The following WDR5 variants were observed in gnomAD, a reference collection of about 807,000 sequenced individuals.
WDR5 encodes the protein WD repeat-containing protein 5.
For synonymous variants in WDR5, 144 were observed against 161.6 expected (o/e 0.89, Z 0.83); for missense variants, 187 against 416.9 (o/e 0.45, Z 4.80).
In WDR5 at chr9:134,157,249, C is replaced by T. The variant is rs978290942; in HGVS notation, c.905-644C>T. 3.9e-4 allele frequency among the ~76,000 whole-genome samples: 59 copies of T among 152,364 alleles called. No individual in the cohort carries two copies. The highest frequency in any genetic ancestry group is 1.4e-3 in the African/African-American group (57 of 41,602). On this transcript the variant is annotated intron_variant, in intron 13 of 13. Coordinates refer to ENST00000358625, the MANE Select transcript of WDR5 (RefSeq NM_017588.3). The surrounding 1 kb of genome is among the most constrained non-coding windows in gnomAD (Gnocchi z 5.0). ...GCCTGGGGTCAGTGCTTACGCTCCACGGCGGGCCTGGGCCTTCCCCTGGGT... is the reference window on the plus strand; with the variant it reads ...GCCTGGGGTCAGTGCTTACGCTCCATGGCGGGCCTGGGCCTTCCCCTGGGT...
intron 7 of WDR5, among the ~76,000 whole-genome samples, chr9:134,144,715 G>C (rs901572165): frequency 6.6e-6 from 1 of 152,040 alleles, no homozygotes; most frequent in South Asian, 2.1e-4. Flanking sequence ...TGATGCGCAC[G>C]TGTGGTCCCA....
chr9:134,149,582 C>T (rs1832392699), intron 8 of WDR5, among the ~76,000 whole-genome samples: 1 of 152,146 alleles, frequency 6.6e-6, no homozygotes. Context: ...GTGTGTGTCA[C>T]CAACAGGGAA....
chr9:134,140,668 G>A, intron 2 of WDR5, 35 bp from the exon 3 acceptor site: 3 of 1,565,582 alleles, frequency 1.9e-6, no homozygotes, highest in Non-Finnish European at 2.6e-6. Flanking sequence ...AACGTACAGT[G>A]GTGGTGACTT....
chr9:134,136,383 C>T (rs1831555075), intron 1 of WDR5, among the ~76,000 whole-genome samples, 183 bp downstream of exon 1: 1 of 151,192 alleles, frequency 6.6e-6, no homozygotes, highest in Admixed American at 6.6e-5. Flanking sequence ...CCTCGGTGGA[C>T]GGCCGCGCGC....
intron 9 of WDR5, 136 bp from the exon 10 acceptor site, chr9:134,154,330 G>T: frequency 1.1e-6 from 1 of 872,014 alleles, no homozygotes; most frequent in Non-Finnish European, 1.9e-6. Context: ...GCGGCGAGGG[G>T]TGGTGGTGCT....
intron 4 of WDR5, 132 bp downstream of exon 4, chr9:134,141,715 A>T (rs1237725291): frequency 9.7e-7 from 1 of 1,032,698 alleles, no homozygotes; most frequent in African/African-American, 1.6e-5. Flanking sequence ...TTTTATAGTT[A>T]TTTGCATCTT....
chr9:134,139,074 T>C (rs895864300), intron 1 of WDR5, among the ~76,000 whole-genome samples: 2 of 152,266 alleles, frequency 1.3e-5, no homozygotes, highest in Non-Finnish European at 1.5e-5. Flanking sequence ...GCAGTCTTTT[T>C]TCGTTCCCCT....
intron 4 of WDR5, 124 bp downstream of exon 4, chr9:134,141,707 T>G (rs998468540): frequency 9.3e-7 from 1 of 1,077,476 alleles, no homozygotes; most frequent in Admixed American, 2.6e-5. Flanking sequence ...TTTAATTTTT[T>G]TATAGTTATT....
intron 12 of WDR5, among the ~76,000 whole-genome samples, chr9:134,156,163 C>G (rs576865491): frequency 6.6e-6 from 1 of 152,368 alleles, no homozygotes; most frequent in African/African-American, 2.4e-5. Context: ...ATGCTCCTGT[C>G]TTAGACCGGG....
chr9:134,151,398 C>T (rs532319143), intron 8 of WDR5, among the ~76,000 whole-genome samples: 1 of 152,288 alleles, frequency 6.6e-6, no homozygotes, highest in African/African-American at 2.4e-5. Flanking sequence ...AGCCTGTTCC[C>T]CGCTGCTGGC....
chr9:134,148,562 C>G (rs1256513508), intron 8 of WDR5, among the ~76,000 whole-genome samples: 1 of 151,688 alleles, frequency 6.6e-6, no homozygotes, highest in Non-Finnish European at 1.5e-5. Context: ...GGAAGATGTC[C>G]TTGTTGTTAG....
chr9:134,139,721 T>C (rs184829341), intron 1 of WDR5, 99 bp from the exon 2 acceptor site: 16 of 736,088 alleles, frequency 2.2e-5, no homozygotes, highest in Middle Eastern at 3.9e-4. Flanking sequence ...GGGCTCAATA[T>C]GGTAGTCAAA....
At chr9:134,148,148 CT>C in intron 7 of WDR5, 139 bp from the exon 8 acceptor site, 2 of 666,192 alleles carry the variant, frequency 3.0e-6, no homozygotes, top group South Asian at 2.0e-5. Context: ...GAGCGAGACT[CT>C]TTCTGAAAAC....
chr9:134,137,545 G>T (rs1423554318), intron 1 of WDR5, among the ~76,000 whole-genome samples: 1 of 151,876 alleles, frequency 6.6e-6, no homozygotes, highest in Non-Finnish European at 1.5e-5. Context: ...TTGGCCGGGC[G>T]TAGTGGTACG....
At chr9:134,152,562 G>A (rs1466988522) in intron 9 of WDR5, among the ~76,000 whole-genome samples, 1 of 152,202 alleles carries the variant, frequency 6.6e-6, no homozygotes, top group Non-Finnish European at 1.5e-5. Context: ...GTTCCCAGCT[G>A]CCCCTTGCAG....
chr9:134,151,393 G>A (rs1199476138), intron 8 of WDR5, among the ~76,000 whole-genome samples: 1 of 152,200 alleles, frequency 6.6e-6, no homozygotes, highest in Non-Finnish European at 1.5e-5. Context: ...ACCCGAGCCT[G>A]TTCCCCGCTG....
intron 7 of WDR5, among the ~76,000 whole-genome samples, chr9:134,145,478 A>G (rs1244820668): frequency 6.6e-6 from 1 of 152,234 alleles, no homozygotes; most frequent in Non-Finnish European, 1.5e-5. Flanking sequence ...GGACTCTGCC[A>G]GTCGCCTCTC....
At position 134,152,579 on chromosome 9, in the gene WDR5, C is replaced by T. The variant is rs530280228; in HGVS notation, c.631+550C>T. 3.6e-4 allele frequency among the ~76,000 whole-genome samples: 55 copies of T among 152,278 alleles called. No individual in the cohort carries two copies. The South Asian group carries it at 0.01, about 29-fold the overall frequency. On this transcript the variant is annotated intron_variant, in intron 9 of 13. Transcript: ENST00000358625. ...TCCCAGCTGCCCCTTGCAGAGCCTG[C>T]AGAAAGGAGCGGAAGGGTTTTCATC... is the stretch of plus-strand genomic sequence containing the variant.
At chr9:134,147,526 C>T (rs117530311) in intron 7 of WDR5, among the ~76,000 whole-genome samples, 6 of 152,270 alleles carry the variant, frequency 3.9e-5, no homozygotes, top group South Asian at 2.1e-4. Context: ...CTGTCCCCCC[C>T]GGAAGAGTCT....
Sources: gnomAD v4.1 joint callset for allele counts (sites outside exome capture counted in the v4.1 genomes callset) on GRCh38, gnomAD v4.1.1 for gene constraint, Gnocchi (gnomAD v3.1) non-coding constraint, MANE v1.5 for transcripts, NCBI Gene and HGNC (gene_info 2026-07-23, HGNC 2026-07-21) for gene names.